The following AGTPBP1 variants were observed in gnomAD, a reference collection of about 807,000 sequenced individuals.
The protein encoded by AGTPBP1 is ATP/GTP binding carboxypeptidase 1, also known as cytosolic carboxypeptidase 1.
In AGTPBP1, 70 loss-of-function variants were observed where a neutral mutation model predicts 143.9. The observed-to-expected ratio is 0.49, with a 90% confidence interval of 0.40 to 0.59. The LOEUF (loss-of-function observed/expected upper bound fraction) is 0.59, where lower values mean the gene tolerates loss of function less well. Ranked by LOEUF, AGTPBP1 falls within the 20% of genes least tolerant of loss-of-function variation. AGTPBP1 has a pLI of 0.00. For missense variants in AGTPBP1, 1,229 were observed against 1,464.5 expected (o/e 0.84, Z 2.62); for synonymous variants, 463 against 500.2 (o/e 0.93, Z 0.99).
At chr9:85,586,224 A>G (rs1414797280) in intron 22 of AGTPBP1, among the ~76,000 whole-genome samples, 1 of 151,906 alleles carries the variant, frequency 6.6e-6, no homozygotes, top group Non-Finnish European at 1.5e-5. Flanking sequence ...AAAAAAAATT[A>G]AAAACAAAGA....
At chr9:85,736,330 G>A (rs1823766590) in intron 1 of AGTPBP1, among the ~76,000 whole-genome samples, 1 of 152,100 alleles carries the variant, frequency 6.6e-6, no homozygotes, top group Non-Finnish European at 1.5e-5. Flanking sequence ...ATAATCATAT[G>A]TATTTATGAG....
chr9:85,612,197 C>A (rs1330608369), intron 17 of AGTPBP1, among the ~76,000 whole-genome samples: 2 of 152,162 alleles, frequency 1.3e-5, no homozygotes, highest in African/African-American at 4.8e-5. Context: ...TCTAATGAGG[C>A]AGCTCTTGGT....
At chr9:85,580,714 A>T (rs1828204551) in intron 23 of AGTPBP1, among the ~76,000 whole-genome samples, 1 of 152,226 alleles carries the variant, frequency 6.6e-6, no homozygotes, top group African/African-American at 2.4e-5. Context: ...TTTATGAAGG[A>T]CAATTTGGCA....
chr9:85,682,007 CA>C (rs1835214222), intron 3 of AGTPBP1, among the ~76,000 whole-genome samples: 1 of 151,454 alleles, frequency 6.6e-6, no homozygotes, highest in Admixed American at 6.6e-5. Context: ...CTTGGCTTCC[CA>C]AAGTGCTGGG....
At chr9:85,590,239 T>A (rs1293920989) in intron 19 of AGTPBP1, among the ~76,000 whole-genome samples, 2 of 152,052 alleles carry the variant, frequency 1.3e-5, no homozygotes, top group Admixed American at 6.6e-5. Context: ...TTTTAAAAAT[T>A]TAAAACATCT....
At chr9:85,564,682 C>T (rs755374924) in intron 25 of AGTPBP1, among the ~76,000 whole-genome samples, 8 of 152,146 alleles carry the variant, frequency 5.3e-5, no homozygotes, top group Non-Finnish European at 1.2e-4. Context: ...ACCATATAGC[C>T]GAGGTGTGTA....
chr9:85,571,230 T>C (rs1827438984), intron 25 of AGTPBP1, among the ~76,000 whole-genome samples: 1 of 152,174 alleles, frequency 6.6e-6, no homozygotes, highest in African/African-American at 2.4e-5. Context: ...TACATATAAA[T>C]ACCGTTTTCC....
intron 17 of AGTPBP1, among the ~76,000 whole-genome samples, chr9:85,600,809 C>T (rs1022342587): frequency 6.6e-6 from 1 of 152,152 alleles, no homozygotes; most frequent in Non-Finnish European, 1.5e-5. Flanking sequence ...CAACTGCATC[C>T]TGCCCCGAGG....
chr9:85,658,759 T>C (rs1039194937), intron 9 of AGTPBP1, among the ~76,000 whole-genome samples: 6 of 152,104 alleles, frequency 3.9e-5, no homozygotes, highest in Non-Finnish European at 4.4e-5. Flanking sequence ...TTCAGAACTA[T>C]GTTCTGACAT....
chr9:85,799,867 C>CAACATTTTAT, the AGTPBP1 span, among the ~76,000 whole-genome samples: 2 of 152,104 alleles, frequency 1.3e-5, no homozygotes, highest in Non-Finnish European at 2.9e-5. Context: ...ATGAGAGCCT[C>CAACATTTTAT]TGTAGGTACA....
At chr9:85,740,280 T>C (rs1471056421) in intron 1 of AGTPBP1, among the ~76,000 whole-genome samples, 1 of 152,228 alleles carries the variant, frequency 6.6e-6, no homozygotes, top group Admixed American at 6.5e-5. Context: ...GTTGTAATTA[T>C]GTGATTAATC....
chr9:85,739,235 C>A lies in AGTPBP1; in HGVS notation c.-34+2540G>T, dbSNP rs541279568. 2.0e-5 allele frequency among the ~76,000 whole-genome samples: 3 copies of A among 152,284 alleles called. No individual in the cohort carries two copies. The South Asian group carries it at 6.2e-4, about 32-fold the overall frequency. ...TGAAGTTTAAAATTCAGTGCCCACCCTACAAAATTTATGTTGTTTATACTG... is the reference window on the plus strand; with the variant it reads ...TGAAGTTTAAAATTCAGTGCCCACCATACAAAATTTATGTTGTTTATACTG... On this transcript the variant is annotated intron_variant, in intron 1 of 25. Transcript: ENST00000357081.
At chr9:85,624,013 C>T (rs1240623670) in intron 14 of AGTPBP1, among the ~76,000 whole-genome samples, 2 of 152,066 alleles carry the variant, frequency 1.3e-5, no homozygotes, top group Non-Finnish European at 2.9e-5. Flanking sequence ...AAATATATAG[C>T]CTATTCAGTC....
intron 2 of AGTPBP1, among the ~76,000 whole-genome samples, chr9:85,696,867 C>T (rs558568616): frequency 5.3e-5 from 8 of 152,222 alleles, no homozygotes; most frequent in African/African-American, 9.6e-5. Context: ...CTAACCTATA[C>T]GACACTATCA....
At chr9:85,766,253 G>A in the AGTPBP1 span, among the ~76,000 whole-genome samples, 7 of 152,068 alleles carry the variant, frequency 4.6e-5, no homozygotes, top group Non-Finnish European at 1.0e-4. Context: ...TGTGGATAAC[G>A]TATTACAGCT....
rs570026098 is a variant in AGTPBP1, at chr9:85,550,710, T to C, written c.3504-3424A>G. On this transcript the variant is annotated intron_variant, in intron 25 of 25. Coordinates refer to ENST00000357081, the MANE Select transcript of AGTPBP1 (RefSeq NM_001330701.2). ...AATGTAGCATCTGGAAAACTCACCG[T>C]TCTCCCCACCAAGCCCAATCCTCTT... Among the ~76,000 whole-genome samples the C allele has an allele frequency of 9.9e-5, 15 of 152,264 alleles. 1 individual carries two copies. The South Asian group carries it at 1.5e-3, about 15-fold the overall frequency.
chr9:85,585,443 G>A lies in AGTPBP1; in HGVS notation c.3165+20C>T. ...GCATGTTTGAAATTCAAAAACTTAT[G>A]AATCATCTGTAATAATTACCCTGTA... On this transcript the variant is annotated intron_variant, in intron 23 of 25. Coordinates refer to ENST00000357081, the MANE Select transcript of AGTPBP1 (RefSeq NM_001330701.2). The A allele has an allele frequency of 6.5e-7, 1 of 1,542,848 alleles. No homozygotes were observed. Among genetic ancestry groups the A allele is most frequent in the South Asian group, 1.3e-5 (1 of 77,150 alleles).
intron 9 of AGTPBP1, among the ~76,000 whole-genome samples, chr9:85,658,286 T>C (rs1018593099): frequency 9.2e-5 from 14 of 152,164 alleles, no homozygotes; most frequent in African/African-American, 3.1e-4. Context: ...GGCTTTCTAG[T>C]CATTAGATTT....
chr9:85,604,973 T>A (rs1829904209), intron 17 of AGTPBP1, among the ~76,000 whole-genome samples: 1 of 152,128 alleles, frequency 6.6e-6, no homozygotes, highest in Non-Finnish European at 1.5e-5. Flanking sequence ...GAAGTATGCC[T>A]ACAATATCGA....
Sources: gnomAD v4.1 joint callset for allele counts (sites outside exome capture counted in the v4.1 genomes callset) on GRCh38, gnomAD v4.1.1 for gene constraint, MANE v1.5 for transcripts, NCBI Gene and HGNC (gene_info 2026-07-23, HGNC 2026-07-21) for gene names.